GRK3: variants seen among roughly 807,000 people sequenced by gnomAD.
The protein encoded by GRK3 is G protein-coupled receptor kinase 3, also known as adrenergic, beta, receptor kinase 2.
Under a neutral mutation model 95.7 loss-of-function variants are expected in GRK3, and 54 were observed. The ratio of observed to expected loss-of-function variants is 0.56; its 90% CI spans 0.45 to 0.71. The LOEUF is 0.71. Ranked by LOEUF, GRK3 falls within the 30% of genes least tolerant of loss-of-function variation. GRK3 has a pLI of 0.00. For missense variants in GRK3, 649 were observed against 851.2 expected (o/e 0.76, Z 2.96); for synonymous variants, 281 against 290.8 (o/e 0.97, Z 0.34).
chr22:25,675,545 A>C (rs2085021577), intron 8 of GRK3, among the ~76,000 whole-genome samples: 1 of 152,094 alleles, frequency 6.6e-6, no homozygotes, highest in Non-Finnish European at 1.5e-5. Flanking sequence ...CCAGAACTAC[A>C]AGTTTGGTTA....
At chr22:25,588,419 A>G (rs549703104) in intron 1 of GRK3, among the ~76,000 whole-genome samples, 2 of 152,364 alleles carry the variant, frequency 1.3e-5, no homozygotes, top group Admixed American at 6.5e-5. Flanking sequence ...GTTTAGTACT[A>G]TGCAAATTAT....
rs561246276 is a variant in GRK3, at chr22:25,682,462, A to G, written c.748-2708A>G. ...TGGGAAGCCTTGATTTCTCTGAGGC[A>G]GTCATTTTAAGGGGGGCTGAGCCTC... is the stretch of plus-strand genomic sequence containing the variant. On this transcript the variant is annotated intron_variant, in intron 9 of 20. Coordinates refer to ENST00000324198, the MANE Select transcript of GRK3 (RefSeq NM_005160.4). 3.9e-4 allele frequency among the ~76,000 whole-genome samples: 59 copies of G among 152,166 alleles called. 1 individual carries two copies. Among genetic ancestry groups the G allele is most frequent in the Non-Finnish European group, 8.1e-4 (55 of 68,022 alleles).
At chr22:25,606,894 G>A (rs1475613068) in intron 2 of GRK3, among the ~76,000 whole-genome samples, 2 of 152,354 alleles carry the variant, frequency 1.3e-5, no homozygotes, top group East Asian at 3.9e-4. Flanking sequence ...TAAAAGTAGG[G>A]ATAATAATAG....
At chr22:25,620,006 T>TTGTGTGTGTGTGTGTG (rs56260834) in intron 2 of GRK3, among the ~76,000 whole-genome samples, 3 of 90,316 alleles carry the variant, frequency 3.3e-5, no homozygotes, top group African/African-American at 1.3e-4. Flanking sequence ...TTTGTCTTTT[T>TTGTGTGTGTGTGTGTG]TGTGTGTGTG....
At chr22:25,574,105 T>A (rs1031391347) in intron 1 of GRK3, among the ~76,000 whole-genome samples, 2 of 152,238 alleles carry the variant, frequency 1.3e-5, no homozygotes, top group East Asian at 3.8e-4. Context: ...CATTGATCTT[T>A]ATTATCTTGT....
intron 1 of GRK3, among the ~76,000 whole-genome samples, chr22:25,576,407 C>T (rs561097339): frequency 2.0e-5 from 3 of 152,192 alleles, no homozygotes; most frequent in East Asian, 1.9e-4. Context: ...GGTGGGCACA[C>T]GTCCACTGGA....
At chr22:25,625,825 C>CCT (rs1362262825) in intron 2 of GRK3, among the ~76,000 whole-genome samples, 2 of 151,796 alleles carry the variant, frequency 1.3e-5, no homozygotes, top group African/African-American at 2.4e-5. Context: ...CTCTTTGTCT[C>CCT]CTCTCTCTCT....
At chr22:25,686,114 C>T (rs1219722223) in intron 10 of GRK3, among the ~76,000 whole-genome samples, 2 of 151,180 alleles carry the variant, frequency 1.3e-5, no homozygotes, top group Admixed American at 6.6e-5. Flanking sequence ...CCCAGCTACT[C>T]GGGAGGCTGA....
Position 25,651,151 on chromosome 22 carries a change from A to T in GRK3, c.264+6486A>T, listed in dbSNP as rs6004730. Among the ~76,000 whole-genome samples the T allele has an allele frequency of 3.5e-3, 525 of 152,142 alleles. 5 individuals carry two copies. The highest frequency in any genetic ancestry group is 0.01 in the South Asian group (50 of 4,824). ...AATAAAACTATTTTTAAGAGTAACT[A>T]AAAAATTTCAAAATACAAATTTGAA... is the stretch of plus-strand genomic sequence containing the variant. On this transcript the variant is annotated intron_variant, in intron 3 of 20. Coordinates refer to ENST00000324198, the MANE Select transcript of GRK3 (RefSeq NM_005160.4).
intron 2 of GRK3, among the ~76,000 whole-genome samples, chr22:25,625,190 T>A (rs986517024): frequency 7.9e-5 from 12 of 152,166 alleles, no homozygotes; most frequent in Non-Finnish European, 2.9e-5. Context: ...TCCACTATAA[T>A]AAAATATAAA....
intron 2 of GRK3, among the ~76,000 whole-genome samples, chr22:25,605,495 A>G (rs967693609): frequency 4.6e-5 from 7 of 151,880 alleles, no homozygotes; most frequent in Admixed American, 3.9e-4. Context: ...GAAACTCTGT[A>G]TCTCTGAGAG....
At chr22:25,620,328 C>CATTTAATATG (rs2084575155) in intron 2 of GRK3, among the ~76,000 whole-genome samples, 2 of 152,046 alleles carry the variant, frequency 1.3e-5, no homozygotes, top group Admixed American at 1.3e-4. Context: ...ATGCAGGGCA[C>CATTTAATATG]CATGATGTTC....
chr22:25,727,890 CA>C lies in GRK3; in HGVS notation c.*5441del, dbSNP rs1457940598. The C allele has an allele frequency of 6.6e-6, 1 of 152,010 alleles. No individual in the cohort carries two copies. Among genetic ancestry groups the C allele is most frequent in the East Asian group, 1.9e-4 (1 of 5,196 alleles). The allele number at this position is 152,010 out of a possible 1,614,324, so 9.4% of individuals were successfully genotyped here. On this transcript the variant is annotated 3_prime_UTR_variant, in exon 21 of 21. Coordinates refer to ENST00000324198, the MANE Select transcript of GRK3 (RefSeq NM_005160.4). ...TGTGGTTTATAAGCTCAACACTGGC[CA>C]TTTTTTTAGTTTTATTGTTAAATGG...
chr22:25,650,403 G>A (rs1211331520), intron 3 of GRK3, among the ~76,000 whole-genome samples: 2 of 152,016 alleles, frequency 1.3e-5, no homozygotes, highest in African/African-American at 2.4e-5. Flanking sequence ...GATAACATGC[G>A]GAGTAAGACC....
At chr22:25,603,315 C>T (rs1015628104) in intron 1 of GRK3, among the ~76,000 whole-genome samples, 3 of 152,144 alleles carry the variant, frequency 2.0e-5, no homozygotes, top group African/African-American at 7.2e-5. Flanking sequence ...TGTTCACTCC[C>T]ACCATCAGTG....
At chr22:25,597,048 A>T (rs1246592992) in intron 1 of GRK3, among the ~76,000 whole-genome samples, 1 of 151,948 alleles carries the variant, frequency 6.6e-6, no homozygotes, top group Non-Finnish European at 1.5e-5. Flanking sequence ...CACATTACAC[A>T]CTTCCCTGCC....
rs970788054 is a variant in GRK3 at position 25,620,407 on chromosome 22, G to A, written c.190+15954G>A. On this transcript the variant is annotated intron_variant, in intron 2 of 20. Coordinates refer to ENST00000324198, the MANE Select transcript of GRK3 (RefSeq NM_005160.4). ...ATGTTGGGCAAGGGCAAGAAGTCCCGCAGGGATTGTGGGGATTGTCGTGTT... is the reference window on the plus strand; with the variant it reads ...ATGTTGGGCAAGGGCAAGAAGTCCCACAGGGATTGTGGGGATTGTCGTGTT... 8.5e-5 allele frequency among the ~76,000 whole-genome samples: 13 copies of A among 152,168 alleles called. 1 individual carries two copies. The highest frequency in any genetic ancestry group is 1.9e-4 in the East Asian group (1 of 5,192).
At chr22:25,586,673 TA>T (rs1932322978) in intron 1 of GRK3, among the ~76,000 whole-genome samples, 1 of 152,104 alleles carries the variant, frequency 6.6e-6, no homozygotes, top group African/African-American at 2.4e-5. Context: ...GGAGGATGAG[TA>T]GGAGATTTTC....
At chr22:25,629,681 G>C (rs969167645) in intron 2 of GRK3, among the ~76,000 whole-genome samples, 1 of 152,234 alleles carries the variant, frequency 6.6e-6, no homozygotes, top group Non-Finnish European at 1.5e-5. Flanking sequence ...ACAGAGCGTG[G>C]TGTGTGTTGC....
Sources: allele counts gnomAD v4.1 joint callset (sites outside exome capture counted in the v4.1 genomes callset), GRCh38; gene constraint gnomAD v4.1.1; transcripts MANE v1.5; gene names NCBI Gene and HGNC (gene_info 2026-07-23, HGNC 2026-07-21).